HPS4: variants seen among roughly 807,000 people sequenced by gnomAD.
HPS4 encodes the protein HPS4 biogenesis of lysosomal organelles complex 3 subunit 2, also known as BLOC-3 complex member HPS4.
In HPS4, 44 loss-of-function variants were observed where a neutral mutation model predicts 70.3. The observed-to-expected ratio is 0.63, with a 90% CI of 0.49 to 0.80. HPS4 has a LOEUF of 0.80. Ranked by LOEUF, HPS4 falls within the 30% of genes least tolerant of loss-of-function variation. The pLI, the probability that HPS4 is intolerant of heterozygous loss-of-function variation, is 0.00. For synonymous variants in HPS4, 377 were observed against 355.9 expected (o/e 1.06, Z -0.67); for missense variants, 873 against 884.4 (o/e 0.99, Z 0.16).
intron 11 of HPS4, among the ~76,000 whole-genome samples, chr22:26,459,685 T>C (rs958455521): frequency 6.6e-6 from 1 of 152,198 alleles, no homozygotes; most frequent in African/African-American, 2.4e-5. Context: ...TTTAGTCAAA[T>C]GACCAGGAGC....
chr22:26,470,783 G>C lies in HPS4; in HGVS notation c.532C>G (p.Arg178Gly). The C allele has an allele frequency of 6.2e-7, 1 of 1,614,174 alleles. No individual in the cohort carries two copies. The highest frequency in any genetic ancestry group is 8.5e-7 in the Non-Finnish European group (1 of 1,180,034). The change falls in exon 7 of 14, where the codon CGC becomes GGC. Residue 178 changes from arginine to glycine, a missense_variant. By Grantham distance (125) the Arg-to-Gly change is moderately radical. Transcript: ENST00000398145. ...GAGCGCTGGCAGGTCTGCAGAATGC[G>C]GGCTGCCTTCAGCAACAACAGGGGC... ...VEPLLLLKAA[R>G]ILQTCQRSPH... is the part of the protein sequence containing the mutation.
chr22:26,483,099 A>C (rs968219452), intron 1 of HPS4, among the ~76,000 whole-genome samples: 29 of 152,106 alleles, frequency 1.9e-4, no homozygotes, highest in African/African-American at 4.1e-4. Flanking sequence ...TAAAATCTCT[A>C]TCTCTTCTCA....
intron 2 of HPS4, among the ~76,000 whole-genome samples, chr22:26,480,573 C>A (rs1163163155): frequency 6.6e-6 from 1 of 152,116 alleles, no homozygotes; most frequent in Admixed American, 6.5e-5. Context: ...TGGATCTATG[C>A]CCTCTCTGAA....
exon 4 of HPS4, chr22:26,444,428 G>A (rs1426546076): frequency 6.6e-6 from 1 of 152,116 alleles, no homozygotes; most frequent in Non-Finnish European, 1.5e-5. Context: ...TGGTTTTCTG[G>A]TCTCCTGTGA....
chr22:26,448,113 AG>A (rs1239188937), downstream of HPS4, among the ~76,000 whole-genome samples: 1 of 152,198 alleles, frequency 6.6e-6, no homozygotes, highest in Non-Finnish European at 1.5e-5. Context: ...CATCTTCTGA[AG>A]TCTGGACACA....
In HPS4 at chr22:26,457,957, C is replaced by T. The variant is rs373421312; in HGVS notation, c.1857G>A (p.Pro619=). 1.4e-4 allele frequency: 221 copies of T among 1,613,156 alleles called. No homozygotes were observed. The highest frequency in any genetic ancestry group is 1.8e-4 in the Non-Finnish European group (211 of 1,179,914). ...RIQSLLMANL[P]QVATPQDRRF... ...GGCGATCCTGCGGGGTGGCCACCTG[C>T]GGCAGGTTTGCTTCCAGAAGAGGAC... The change falls in exon 13 of 14, where the codon CCG becomes CCA. Residue 619 remains proline (P), a synonymous_variant. Coordinates refer to ENST00000398145, the MANE Select transcript of HPS4 (RefSeq NM_022081.6).
downstream of HPS4, among the ~76,000 whole-genome samples, chr22:26,449,135 T>A (rs2146175912): frequency 6.6e-6 from 1 of 152,034 alleles, no homozygotes; most frequent in East Asian, 1.9e-4. Flanking sequence ...GGGCTGTCCC[T>A]CCCCGCCCCA....
intron 3 of HPS4, among the ~76,000 whole-genome samples, chr22:26,445,824 T>C (rs1169340730): frequency 1.6e-4 from 25 of 152,206 alleles, no homozygotes; most frequent in Admixed American, 1.6e-3. Context: ...CTACTTTCAA[T>C]TGCCTGTGTC....
chr22:26,462,118 C>G (rs2087402511), intron 11 of HPS4, among the ~76,000 whole-genome samples: 1 of 111,332 alleles, frequency 9.0e-6, no homozygotes, highest in Non-Finnish European at 1.9e-5. Context: ...AAGAGCGGAA[C>G]TCCATCTCAA....
rs753787422 is a variant in HPS4 at position 26,464,483 on chromosome 22, C to A, written c.1147G>T (p.Ala383Ser). 6.2e-7 allele frequency: 1 copy of A among 1,614,182 alleles called. No individual in the cohort carries two copies. Among genetic ancestry groups the A allele is most frequent in the South Asian group, 1.1e-5 (1 of 91,086 alleles). Residue 383 changes from alanine (A) to serine (S), a missense_variant, in exon 11 of 14, where the codon GCC becomes TCC. Physicochemically the swap from Ala to Ser is moderately conservative, Grantham distance 99 (BLOSUM62 1). Coordinates refer to ENST00000398145, the MANE Select transcript of HPS4 (RefSeq NM_022081.6). ...HIPEAQEVEM[A>S]SGHFAFLHVP... ...TGTAGGAAGGCAAAATGACCTGAGG[C>A]CATTTCCACTTCCTGAGCCTCTGGA...
intron 6 of HPS4, chr22:26,471,161 G>T: frequency 2.5e-6 from 1 of 408,102 alleles, no homozygotes; most frequent in Non-Finnish European, 4.7e-6. Context: ...CAGCAGAAGA[G>T]GAGGGTGTAT....
At chr22:26,470,291 G>A (rs954731819) in intron 7 of HPS4, among the ~76,000 whole-genome samples, 3 of 152,190 alleles carry the variant, frequency 2.0e-5, no homozygotes, top group Admixed American at 2.0e-4. Context: ...GCTGGATAAG[G>A]GCCTGTAAGG....
At chr22:26,471,975 A>G (rs2089881341) in intron 6 of HPS4, among the ~76,000 whole-genome samples, 2 of 152,360 alleles carry the variant, frequency 1.3e-5, no homozygotes, top group Middle Eastern at 3.4e-3. Context: ...TATGATATGA[A>G]TATCAAGAGA....
At chr22:26,478,369 G>A (rs988649608) in intron 3 of HPS4, among the ~76,000 whole-genome samples, 5 of 151,746 alleles carry the variant, frequency 3.3e-5, no homozygotes, top group African/African-American at 1.2e-4. Context: ...TCAGGAGATC[G>A]AGACCATCCT....
At chr22:26,467,145 A>G (rs1056664040) in intron 8 of HPS4, 2 of 152,224 alleles carry the variant, frequency 1.3e-5, no homozygotes, top group Non-Finnish European at 2.9e-5. Flanking sequence ...CTGCCACTAA[A>G]ACATCTTTGG....
At position 26,453,101 on chromosome 22, in the gene HPS4, A is replaced by G. The variant is rs1472727686; in HGVS notation, c.*132T>C. ...CCCAATCTGCAAAAGGAATAACAAA[A>G]ACTCAAATATCATTTGGTTCCTAAA... On this transcript the variant is annotated 3_prime_UTR_variant, in exon 14 of 14. Transcript: ENST00000398145. 2.9e-6 allele frequency: 3 copies of G among 1,030,726 alleles called. No individual in the cohort carries two copies. Among genetic ancestry groups the G allele is most frequent in the Non-Finnish European group, 4.3e-6 (3 of 690,126 alleles). The allele number at this position is 1,030,726 out of a possible 1,614,324, so 63.8% of individuals were successfully genotyped here. A position where few individuals can be genotyped will look rare whatever the true frequency, so the allele number is the denominator to read the frequency against.
At chr22:26,479,141 A>G in intron 3 of HPS4, 124 bp downstream of exon 3, 1 of 923,468 alleles carries the variant, frequency 1.1e-6, no homozygotes, top group Non-Finnish European at 1.7e-6. Context: ...ACTAAGAATA[A>G]GACAGTAGAA....
intron 12 of HPS4, 127 bp from the exon 13 acceptor site, chr22:26,458,094 G>C: frequency 1.2e-6 from 1 of 832,294 alleles, no homozygotes; most frequent in East Asian, 2.6e-5. Context: ...GCCCGGGGCA[G>C]AGACAAAGGC....
chr22:26,450,683 G>A (rs2085120080), downstream of HPS4, among the ~76,000 whole-genome samples: 1 of 152,202 alleles, frequency 6.6e-6, no homozygotes, highest in African/African-American at 2.4e-5. Context: ...TGAATTATGG[G>A]TGTGGTTACT....
Sources: gnomAD v4.1 joint callset for allele counts (sites outside exome capture counted in the v4.1 genomes callset) on GRCh38, gnomAD v4.1.1 for gene constraint, MANE v1.5 for transcripts, NCBI Gene and HGNC (gene_info 2026-07-23, HGNC 2026-07-21) for gene names.